Variants in SORCS2 observed in about 807,000 individuals in gnomAD.
The protein encoded by SORCS2 is sortilin related VPS10 domain containing receptor 2, also known as VPS10 domain-containing receptor SorCS2.
Under a neutral mutation model 141.6 loss-of-function variants are expected in SORCS2, and 100 were observed. The observed-to-expected ratio is 0.71, with a 90% CI of 0.60 to 0.83. The LOEUF is 0.83. Among genes scored for constraint, SORCS2 ranks in the 40% least tolerant of loss-of-function variants. The pLI, the probability that SORCS2 is intolerant of heterozygous loss-of-function variation, is 0.00. For missense variants in SORCS2, 1,646 were observed against 1,560.2 expected, an observed-to-expected ratio of 1.05 and a Z score of -0.93; for synonymous variants, 789 against 676.9, an observed-to-expected ratio of 1.17 and a Z score of -2.57.
chr4:7,696,582 C>G (rs116622744), intron 11 of SORCS2, among the ~76,000 whole-genome samples: 386 of 152,278 alleles, frequency 2.5e-3, no homozygotes, highest in African/African-American at 8.8e-3. Flanking sequence ...TGAGCCCCTC[C>G]GAGTAGGCAT....
chr4:7,234,361 A>G, intron 1 of SORCS2, among the ~76,000 whole-genome samples: 1 of 152,200 alleles, frequency 6.6e-6, no homozygotes, highest in East Asian at 1.9e-4. Context: ...AGAAGTTTCC[A>G]GTCATTGCCA....
chr4:7,553,219 G>T (rs538704382), intron 3 of SORCS2, among the ~76,000 whole-genome samples: 14 of 152,234 alleles, frequency 9.2e-5, no homozygotes, highest in Admixed American at 7.8e-4. Context: ...TGTGTGGGTG[G>T]TGGGGTGGTC....
chr4:7,299,400 G>A (rs1184454359), intron 1 of SORCS2, among the ~76,000 whole-genome samples: 1 of 152,176 alleles, frequency 6.6e-6, no homozygotes, highest in South Asian at 2.1e-4. Context: ...GCCCCTCAGC[G>A]GTGCTAAGTT....
rs1722345100 is a variant in SORCS2 at position 7,664,036 on chromosome 4, T to C, written c.953-317T>C. Reference sequence around the variant, plus strand: ...AGGTGTGAGAGACTTCAGGAGGGTATGGGGGCCGTGCATGTCTGGGTGTGG... The same window carrying C: ...AGGTGTGAGAGACTTCAGGAGGGTACGGGGGCCGTGCATGTCTGGGTGTGG... On this transcript the variant is annotated intron_variant, in intron 6 of 26. Coordinates refer to ENST00000507866, the MANE Select transcript of SORCS2 (RefSeq NM_020777.3). The surrounding 1 kb of genome is among the most constrained non-coding windows in gnomAD (Gnocchi z 4.7). 6.6e-6 allele frequency among the ~76,000 whole-genome samples: 1 copy of C among 152,106 alleles called. No individual in the cohort carries two copies. Among genetic ancestry groups the C allele is most frequent in the Admixed American group, 6.5e-5 (1 of 15,276 alleles).
At chr4:7,520,064 A>G (rs545706180) in intron 2 of SORCS2, among the ~76,000 whole-genome samples, 3 of 152,244 alleles carry the variant, frequency 2.0e-5, no homozygotes, top group African/African-American at 7.2e-5. Flanking sequence ...AGCCCTGGTG[A>G]TGAGGGCCCT....
At chr4:7,198,560 G>A (rs1198034499) in intron 1 of SORCS2, among the ~76,000 whole-genome samples, 1 of 152,184 alleles carries the variant, frequency 6.6e-6, no homozygotes, top group East Asian at 1.9e-4. Context: ...TGGCTGGTCG[G>A]CCTGTGAGTG....
intron 2 of SORCS2, among the ~76,000 whole-genome samples, chr4:7,410,940 C>T (rs1480486788): frequency 7.0e-6 from 1 of 142,106 alleles, no homozygotes; most frequent in African/African-American, 2.6e-5. Flanking sequence ...GCAGCCTCTT[C>T]TCTCCATCCT....
chr4:7,471,573 C>T (rs1042475446), intron 2 of SORCS2, among the ~76,000 whole-genome samples: 2 of 152,232 alleles, frequency 1.3e-5, no homozygotes, highest in African/African-American at 2.4e-5. Context: ...GGCTCGCCGC[C>T]CCTACCCCGT....
At chr4:7,594,518 G>A (rs1215655038) in intron 3 of SORCS2, among the ~76,000 whole-genome samples, 2 of 152,244 alleles carry the variant, frequency 1.3e-5, no homozygotes, top group Admixed American at 1.3e-4. Flanking sequence ...GGGTGGGTGT[G>A]AGATCAGAGA....
At chr4:7,635,910 A>T (rs1418592186) in intron 3 of SORCS2, among the ~76,000 whole-genome samples, 7 of 152,194 alleles carry the variant, frequency 4.6e-5, no homozygotes, top group Admixed American at 4.6e-4. Flanking sequence ...GAAGTGCATG[A>T]AGCTTTCCCT....
chr4:7,394,655 G>T (rs796909335), intron 1 of SORCS2, among the ~76,000 whole-genome samples: 2 of 152,254 alleles, frequency 1.3e-5, no homozygotes, highest in African/African-American at 2.4e-5. Context: ...AGTCTTGCTG[G>T]GTGATTGGGT....
At chr4:7,633,398 CCAGT>C (rs1050758127) in intron 3 of SORCS2, among the ~76,000 whole-genome samples, 1 of 152,088 alleles carries the variant, frequency 6.6e-6, no homozygotes, top group Non-Finnish European at 1.5e-5. Context: ...CCCAGGTCTA[CCAGT>C]CAAATTTCCA....
intron 2 of SORCS2, among the ~76,000 whole-genome samples, chr4:7,424,274 G>A (rs1726278709): frequency 6.6e-6 from 1 of 152,210 alleles, no homozygotes; most frequent in Non-Finnish European, 1.5e-5. Flanking sequence ...GAAGGGTAGG[G>A]TGGGGTGGCC....
chr4:7,291,864 C>T (rs1270119120), intron 1 of SORCS2, among the ~76,000 whole-genome samples: 2 of 152,228 alleles, frequency 1.3e-5, no homozygotes, highest in East Asian at 1.9e-4. Context: ...CCATAAATGA[C>T]ACAGCTTGTT....
At chr4:7,194,090 G>T (rs114634713) in intron 1 of SORCS2, among the ~76,000 whole-genome samples, 1 of 152,200 alleles carries the variant, frequency 6.6e-6, no homozygotes, top group Middle Eastern at 3.4e-3. Context: ...CTCTAGTTTT[G>T]CAGGTTCCAG....
intron 3 of SORCS2, among the ~76,000 whole-genome samples, chr4:7,577,511 G>T (rs1715831119): frequency 6.6e-6 from 1 of 151,158 alleles, no homozygotes; most frequent in Non-Finnish European, 1.5e-5. Context: ...TAGTGCCATG[G>T]TTTGGAGAAG....
In SORCS2 at chr4:7,193,435, G is replaced by C. The variant is rs529384663; in HGVS notation, c.480+309G>C. Among the ~76,000 whole-genome samples, 1 of 152,168 alleles carries C rather than the reference G, an allele frequency of 6.6e-6. No homozygotes were observed. The highest frequency in any genetic ancestry group is 6.5e-5 in the Admixed American group (1 of 15,306). On this transcript the variant is annotated intron_variant, in intron 1 of 26. Transcript: ENST00000507866. The surrounding 1 kb of genome is among the most constrained non-coding windows in gnomAD (Gnocchi z 4.8). ...TCTTGGGTTACGGAGGAGGACCCCA[G>C]AACCTTCGGAAGCCTGCAGGTCCTT...
intron 1 of SORCS2, among the ~76,000 whole-genome samples, chr4:7,255,619 C>T (rs963773368): frequency 3.9e-5 from 6 of 152,162 alleles, no homozygotes; most frequent in Non-Finnish European, 7.4e-5. Flanking sequence ...TGGTTAGCCT[C>T]GTCTTCTCAG....
At chr4:7,404,339 C>A (rs115268621) in intron 2 of SORCS2, among the ~76,000 whole-genome samples, 41 of 152,148 alleles carry the variant, frequency 2.7e-4, no homozygotes, top group African/African-American at 9.6e-4. Flanking sequence ...ATCCTAATTT[C>A]TTTTCCCTTT....
Sources: allele counts gnomAD v4.1 joint callset (sites outside exome capture counted in the v4.1 genomes callset), GRCh38; gene constraint gnomAD v4.1.1; non-coding constraint Gnocchi (gnomAD v3.1); transcripts MANE v1.5; gene names NCBI Gene and HGNC (gene_info 2026-07-23, HGNC 2026-07-21).